HACD4: variants seen among roughly 807,000 people sequenced by gnomAD.
HACD4 encodes 3-hydroxyacyl-CoA dehydratase 4.
HACD4 carries 35 observed loss-of-function variants against 33.3 expected under a neutral mutation model. The observed-to-expected ratio is 1.05, with a 90% confidence interval of 0.80 to 1.39. The LOEUF is 1.39. Among genes scored for constraint, HACD4 ranks in the 40% most tolerant of loss-of-function variants. HACD4 has a pLI of 0.00. For missense variants in HACD4, 323 were observed against 276.5 expected (o/e 1.17, Z -1.19); for synonymous variants, 118 against 98.0 (o/e 1.20, Z -1.21).
intron 3 of HACD4, among the ~76,000 whole-genome samples, chr9:21,025,279 G>A (rs1818032708): frequency 6.6e-6 from 1 of 151,998 alleles, no homozygotes; most frequent in Non-Finnish European, 1.5e-5. Flanking sequence ...AACTTGTAAT[G>A]CTCAGTTCTT....
Position 21,029,279 on chromosome 9 carries a change from T to C in HACD4, c.142+16A>G, listed in dbSNP as rs1363626953. The C allele has an allele frequency of 3.5e-6, 5 of 1,411,236 alleles. No individual in the cohort carries two copies. The highest frequency in any genetic ancestry group is 1.4e-5 in the African/African-American group (1 of 69,598). The allele number at this position is 1,411,236 out of a possible 1,614,324, so 87.4% of individuals were successfully genotyped here. On this transcript the variant is annotated intron_variant, in intron 2 of 6. Transcript: ENST00000495827. ...GATTAAAAGTTAAAAATAAAAAAAC[T>C]GTTTCGGAGTTTTACCTTTTCCAAA...
chr9:21,007,980 TA>T, intron 6 of HACD4, 40 bp downstream of exon 6: 1 of 1,560,474 alleles, frequency 6.4e-7, no homozygotes, highest in Non-Finnish European at 8.7e-7. Flanking sequence ...AACCAAAAAG[TA>T]CAGGAAAAAT....
In HACD4 at chr9:21,028,555, A is replaced by C. The variant is rs142002532; in HGVS notation, c.142+740T>G. On this transcript the variant is annotated intron_variant, in intron 2 of 6. Transcript: ENST00000495827. ...GATACACACGTCTGAAATGATGAGC[A>C]CAGCATGACTTTTCCCAGCTACATT... 2.3e-3 allele frequency among the ~76,000 whole-genome samples: 352 copies of C among 152,348 alleles called. 6 individuals carry two copies. Among genetic ancestry groups the C allele is most frequent in the East Asian group, 3.5e-3 (18 of 5,188 alleles).
chr9:21,017,269 G>A (rs913824605), intron 3 of HACD4, among the ~76,000 whole-genome samples: 9 of 152,092 alleles, frequency 5.9e-5, no homozygotes, highest in African/African-American at 1.9e-4. Context: ...AGAAATCCAC[G>A]TGTATAAGCT....
At chr9:21,018,922 TAAAAATGATACTTCAACTACAGGA>T (rs1367151274) in intron 3 of HACD4, among the ~76,000 whole-genome samples, 1 of 152,056 alleles carries the variant, frequency 6.6e-6, no homozygotes, top group Admixed American at 6.6e-5. Flanking sequence ...TATGGGAGGG[TAAAAATGATACTTCAACTACAGGA>T]AAAATTAATT....
rs1053143274 is a variant in HACD4, at chr9:21,003,056, A to C, written c.*3981T>G. On this transcript the variant is annotated 3_prime_UTR_variant, in exon 7 of 7. Coordinates refer to ENST00000495827, the MANE Select transcript of HACD4 (RefSeq NM_001010915.5). The stretch of plus-strand genomic sequence containing the variant: ...AAATTTAGTATTCCTTTCCATTGTG[A>C]ATACAGGCAACCAACCACAGTAGTA... The C allele has an allele frequency of 6.6e-6, 1 of 152,168 alleles. No individual in the cohort carries two copies. 9.4% of individuals were successfully genotyped at this position (152,168 alleles called of 1,614,324 possible).
rs114884414 is a variant in HACD4 at position 21,027,790 on chromosome 9, T to C, written c.143-1067A>G. Among the ~76,000 whole-genome samples, 569 of 152,342 alleles carry C rather than the reference T, an allele frequency of 3.7e-3. 8 individuals carry two copies. The highest frequency in any genetic ancestry group is 0.013 in the African/African-American group (548 of 41,582). On this transcript the variant is annotated intron_variant, in intron 2 of 6. Transcript: ENST00000495827. The stretch of plus-strand genomic sequence containing the variant: ...TGTCTCCTGAACGAATCGGTTGTGT[T>C]TCTTTAATAATAAGCTTCTACAATT...
chr9:21,012,927 C>T (rs554455585), intron 4 of HACD4, among the ~76,000 whole-genome samples: 2 of 152,052 alleles, frequency 1.3e-5, no homozygotes, highest in African/African-American at 4.8e-5. Flanking sequence ...ATTAGCCGGG[C>T]GTGGTGGCGG....
intron 2 of HACD4, 58 bp downstream of exon 2, chr9:21,029,237 G>C (rs1818142139): frequency 3.2e-6 from 3 of 938,242 alleles, no homozygotes; most frequent in Non-Finnish European, 5.1e-6. Context: ...ATATAAGCAG[G>C]ATGAGGTGAA....
At chr9:21,026,880 A>C (rs952717079) in intron 2 of HACD4, 157 bp from the exon 3 acceptor site, 1 of 595,936 alleles carries the variant, frequency 1.7e-6, no homozygotes, top group Non-Finnish European at 2.9e-6. Flanking sequence ...TATTAACAAT[A>C]CAATGCAAAC....
intron 4 of HACD4, chr9:21,015,696 T>C (rs1483716616): frequency 2.3e-6 from 1 of 437,552 alleles, no homozygotes; most frequent in Non-Finnish European, 4.1e-6. Flanking sequence ...TTTACTCTTG[T>C]AATACCACGG....
intron 3 of HACD4, among the ~76,000 whole-genome samples, chr9:21,024,432 CA>C (rs1177620758): frequency 6.6e-6 from 1 of 152,224 alleles, no homozygotes; most frequent in African/African-American, 2.4e-5. Context: ...TAAAAGGTCT[CA>C]ATGTATATTT....
chr9:20,999,847 A>G lies in HACD4; in HGVS notation c.*7190T>C, dbSNP rs1300572520. The G allele has an allele frequency of 6.6e-6, 1 of 151,932 alleles. No individual in the cohort carries two copies. Among genetic ancestry groups the G allele is most frequent in the Non-Finnish European group, 1.5e-5 (1 of 68,040 alleles). 9.4% of individuals were successfully genotyped at this position (151,932 alleles called of 1,614,324 possible). Reference sequence around the variant, plus strand: ...CTGCTCTCATGGAACTTACAGTCAGAGAATATAAATCACTAAACCATCATG... The same window carrying G: ...CTGCTCTCATGGAACTTACAGTCAGGGAATATAAATCACTAAACCATCATG... On this transcript the variant is annotated 3_prime_UTR_variant, in exon 7 of 7. Coordinates refer to ENST00000495827, the MANE Select transcript of HACD4 (RefSeq NM_001010915.5).
chr9:21,013,151 C>T (rs1325170598), intron 4 of HACD4, among the ~76,000 whole-genome samples: 1 of 151,790 alleles, frequency 6.6e-6, no homozygotes, highest in Non-Finnish European at 1.5e-5. Flanking sequence ...ATAACACAGC[C>T]AAATCCAGTC....
At chr9:21,027,294 T>A (rs1436225940) in intron 2 of HACD4, among the ~76,000 whole-genome samples, 1 of 152,130 alleles carries the variant, frequency 6.6e-6, no homozygotes. Flanking sequence ...GATCAGGACT[T>A]TTGGGGTTTG....
intron 3 of HACD4, among the ~76,000 whole-genome samples, chr9:21,022,775 G>A (rs1292089786): frequency 1.3e-5 from 2 of 151,958 alleles, no homozygotes; most frequent in Non-Finnish European, 2.9e-5. Flanking sequence ...TGGTGGGACT[G>A]TAAACTAGTT....
intron 1 of HACD4, among the ~76,000 whole-genome samples, chr9:21,030,966 G>C (rs1369108881): frequency 1.3e-5 from 2 of 152,156 alleles, no homozygotes; most frequent in Non-Finnish European, 2.9e-5. Flanking sequence ...AAACCTCCTA[G>C]AAACAAGGAA....
In HACD4 at chr9:21,029,316, T is replaced by G; in HGVS notation, c.121A>C (p.Arg41=). 1 of 1,584,438 alleles carries G rather than the reference T, an allele frequency of 6.3e-7. No individual in the cohort carries two copies. The highest frequency in any genetic ancestry group is 1.1e-5 in the South Asian group (1 of 87,906). The change falls in exon 2 of 7, where the codon AGA becomes CGA. Residue 41 remains arginine, a synonymous_variant. Coordinates refer to ENST00000495827, the MANE Select transcript of HACD4 (RefSeq NM_001010915.5). ...HSWIFTNMTV[R]FFSFGKDSMV... The stretch of plus-strand genomic sequence containing the variant: ...TTACCTTTTCCAAATGAAAAGAATC[T>G]GACTGTCATATTTGTAAATATCCAA...
At chr9:21,020,042 A>G (rs757927099) in intron 3 of HACD4, among the ~76,000 whole-genome samples, 2 of 152,098 alleles carry the variant, frequency 1.3e-5, no homozygotes, top group Non-Finnish European at 2.9e-5. Flanking sequence ...TGACAAACAG[A>G]TCCCTGCTTG....
Sources: gnomAD v4.1 joint callset for allele counts (sites outside exome capture counted in the v4.1 genomes callset) on GRCh38, gnomAD v4.1.1 for gene constraint, MANE v1.5 for transcripts, NCBI Gene and HGNC (gene_info 2026-07-23, HGNC 2026-07-21) for gene names.